Variants in TCTN1 observed in about 807,000 individuals in gnomAD.
TCTN1 encodes tectonic-1.
TCTN1 carries 58 observed loss-of-function variants against 65.8 expected under a neutral mutation model. The observed-to-expected ratio is 0.88, with a 90% confidence interval of 0.71 to 1.10. The LOEUF (loss-of-function observed/expected upper bound fraction) is 1.10, where lower values mean the gene tolerates loss of function less well. TCTN1 is among the 50% of genes least tolerant of loss of function. The pLI is 0.00. For synonymous variants in TCTN1, 273 were observed against 289.1 expected (o/e 0.94, Z 0.57); for missense variants, 645 against 719.4 (o/e 0.90, Z 1.18).
At chr12:110,620,440 A>G (rs2065345236) in intron 2 of TCTN1, among the ~76,000 whole-genome samples, 1 of 152,070 alleles carries the variant, frequency 6.6e-6, no homozygotes, top group Admixed American at 6.6e-5. Flanking sequence ...CCTTATTTGC[A>G]TTCAGCCAGG....
intron 14 of TCTN1, 106 bp from the exon 15 acceptor site, chr12:110,648,937 A>C (rs2067629665): frequency 2.4e-6 from 1 of 423,078 alleles, no homozygotes; most frequent in Admixed American, 3.2e-5. Context: ...GGGCCTGGGT[A>C]CCCCTTTTGG....
rs1462675966 is a variant in TCTN1 at position 110,614,308 on chromosome 12, G to A, written c.126G>A (p.Leu42=). 3 of 1,602,464 alleles carry A rather than the reference G, an allele frequency of 1.9e-6. No homozygotes were observed. In the South Asian group the frequency reaches 3.4e-5, roughly 18 times the overall value. ...GCCTCAACTCCACCGAGGCAGCCCT[G>A]GCCACCTTCGGAACTTTCCCGTCGA... ...TEGLNSTEAA[L]ATFGTFPSTR... The change falls in exon 1 of 15, where the codon CTG becomes CTA. Residue 42 remains leucine, a synonymous_variant. Transcript: ENST00000397659.
chr12:110,648,708 A>G (rs2067585485), intron 14 of TCTN1: 1 of 241,476 alleles, frequency 4.1e-6, no homozygotes, highest in Non-Finnish European at 8.0e-6. Context: ...TGCACCAGGC[A>G]CTGTAGCTAG....
intron 7 of TCTN1, among the ~76,000 whole-genome samples, chr12:110,637,842 C>G (rs1483579464): frequency 6.6e-6 from 1 of 152,170 alleles, no homozygotes; most frequent in African/African-American, 2.4e-5. Context: ...ATCCTTATTT[C>G]TAACGCAGCG....
At chr12:110,617,100 A>G (rs2065092837) in intron 1 of TCTN1, among the ~76,000 whole-genome samples, 1 of 152,214 alleles carries the variant, frequency 6.6e-6, no homozygotes, top group South Asian at 2.1e-4. Flanking sequence ...TTTTGAAAAC[A>G]AAGCAAGATA....
intron 1 of TCTN1, among the ~76,000 whole-genome samples, chr12:110,617,665 G>T: frequency 6.7e-6 from 1 of 148,830 alleles, no homozygotes; most frequent in African/African-American, 2.5e-5. Flanking sequence ...TTTTGAGATG[G>T]AATCTTGCCC....
chr12:110,641,015 T>C lies in TCTN1; in HGVS notation c.979-9T>C. 6.2e-7 allele frequency: 1 copy of C among 1,614,226 alleles called. No homozygotes were observed. On this transcript the variant is annotated splice_polypyrimidine_tract_variant and intron_variant, in intron 8 of 14. Coordinates refer to ENST00000397659, the MANE Select transcript of TCTN1 (RefSeq NM_001082538.3). ...AACAGGTATATTTGGAGTATCATTT[T>C]GTTTTTAGGTAAAGTACAGCCTCAC...
At chr12:110,625,781 GTC>G (rs1183666635) in intron 2 of TCTN1, 1 of 141,648 alleles carries the variant, frequency 7.1e-6, no homozygotes, top group East Asian at 2.3e-4. Context: ...TTGAGATGGA[GTC>G]TCACTCTGTC....
intron 5 of TCTN1, 76 bp downstream of exon 5, chr12:110,632,635 T>C: frequency 6.5e-7 from 1 of 1,538,148 alleles, no homozygotes; most frequent in Non-Finnish European, 9.0e-7. Context: ...GTTGCGGTTT[T>C]TGCCATTAAA....
chr12:110,626,382 G>T lies in TCTN1; in HGVS notation c.362G>T (p.Ser121Ile), dbSNP rs772738033. 6.3e-7 allele frequency: 1 copy of T among 1,591,740 alleles called. No individual in the cohort carries two copies. Among genetic ancestry groups the T allele is most frequent in the Non-Finnish European group, 8.6e-7 (1 of 1,166,492 alleles). ...PVVTGDSQFCSQKAVIYSLNF... is the reference protein window; with the variant it reads ...PVVTGDSQFCIQKAVIYSLNF... ...TTCAGGGGCGACAGCCAGTTTTGTA[G>T]TCAAAAAGCAGTCATCTATTCATTG... is the stretch of plus-strand genomic sequence containing the variant. Residue 121 changes from serine to isoleucine, a missense_variant, in exon 3 of 15, where the codon AGT (serine) becomes ATT (isoleucine). By Grantham distance (142) the Ser-to-Ile change is moderately radical (BLOSUM62 -2). Coordinates refer to ENST00000397659, the MANE Select transcript of TCTN1 (RefSeq NM_001082538.3).
chr12:110,617,590 G>A (rs934080330), intron 1 of TCTN1, among the ~76,000 whole-genome samples: 7 of 151,526 alleles, frequency 4.6e-5, no homozygotes, highest in Admixed American at 3.3e-4. Flanking sequence ...GCCTTCCAGA[G>A]TGCTAGGATA....
intron 7 of TCTN1, among the ~76,000 whole-genome samples, chr12:110,637,457 T>C (rs2066653058): frequency 6.6e-6 from 1 of 152,242 alleles, no homozygotes; most frequent in African/African-American, 2.4e-5. Flanking sequence ...GATCCTGTCT[T>C]CTGTGAAGGG....
chr12:110,647,483 A>G (rs2067410104), intron 13 of TCTN1, 147 bp downstream of exon 13: 6 of 1,145,226 alleles, frequency 5.2e-6, no homozygotes, highest in Non-Finnish European at 2.5e-6. Context: ...ATTCTTAGAA[A>G]CACTGACGAT....
intron 2 of TCTN1, among the ~76,000 whole-genome samples, chr12:110,620,790 T>C (rs979980513): frequency 2.6e-5 from 4 of 151,310 alleles, no homozygotes; most frequent in African/African-American, 4.9e-5. Context: ...TGATCTCTTA[T>C]AATTGAGGTT....
At position 110,644,844 on chromosome 12, in the gene TCTN1, C is replaced by T; in HGVS notation, c.1332-123C>T. The T allele has an allele frequency of 1.5e-6, 2 of 1,293,206 alleles. No individual in the cohort carries two copies. The highest frequency in any genetic ancestry group is 2.4e-5 in the South Asian group (2 of 83,500). The allele number at this position is 1,293,206 out of a possible 1,614,324, so 80.1% of individuals were successfully genotyped here. On this transcript the variant is annotated intron_variant, in intron 11 of 14. Coordinates refer to ENST00000397659, the MANE Select transcript of TCTN1 (RefSeq NM_001082538.3). This position sits in a 1 kb window ranked among gnomAD's most constrained non-coding sequence, Gnocchi z 4.6. ...TGGTGCCACTGCACTCCAGCTTGGG[C>T]ATCAGAGTGAGACCTTATCTCAAAA...
At chr12:110,623,841 T>C (rs1187030940) in intron 2 of TCTN1, among the ~76,000 whole-genome samples, 1 of 151,278 alleles carries the variant, frequency 6.6e-6, no homozygotes, top group Non-Finnish European at 1.5e-5. Flanking sequence ...CTCCCCAGCC[T>C]CCCAAAATGC....
At chr12:110,628,986 A>G in intron 4 of TCTN1, 68 bp downstream of exon 4, 4 of 1,590,360 alleles carry the variant, frequency 2.5e-6, no homozygotes, top group South Asian at 1.1e-5. Flanking sequence ...TTAATTTTCA[A>G]GGTTACCAGG....
At position 110,632,500 on chromosome 12, in the gene TCTN1, C is replaced by T. The variant is rs763992416; in HGVS notation, c.653C>T (p.Ser218Leu). 23 of 1,613,988 alleles carry T rather than the reference C, an allele frequency of 1.4e-5. No individual in the cohort carries two copies. Among genetic ancestry groups the T allele is most frequent in the South Asian group, 2.2e-5 (2 of 91,060 alleles). ...EYGVPLQTSD[S>L]FLRFPSSLTS... The stretch of plus-strand genomic sequence containing the variant: ...GGGGTTCCTCTGCAGACTTCAGATT[C>T]GTTTCTGAGATTTCCTTCGTCCCTG... The change falls in exon 5 of 15, where the codon TCG (serine) becomes TTG (leucine). Residue 218 changes from serine to leucine, a missense_variant. Coordinates refer to ENST00000397659, the MANE Select transcript of TCTN1 (RefSeq NM_001082538.3).
chr12:110,622,731 G>A (rs1212360704), intron 2 of TCTN1, among the ~76,000 whole-genome samples: 1 of 152,134 alleles, frequency 6.6e-6, no homozygotes, highest in Admixed American at 6.6e-5. Flanking sequence ...GTCCCCAGGG[G>A]CCTTGTGTAT....
Sources: allele counts gnomAD v4.1 joint callset (sites outside exome capture counted in the v4.1 genomes callset), GRCh38; gene constraint gnomAD v4.1.1; non-coding constraint Gnocchi (gnomAD v3.1); transcripts MANE v1.5; gene names NCBI Gene and HGNC (gene_info 2026-07-23, HGNC 2026-07-21).